The following ITSN1 variants were observed in gnomAD, a reference collection of about 807,000 sequenced individuals.
ITSN1 encodes the protein intersectin 1, also known as intersectin-1.
In ITSN1, 58 loss-of-function variants were observed where a neutral mutation model predicts 239.8. That is an observed-to-expected ratio of 0.24 (90% CI 0.20 to 0.30). ITSN1 has a LOEUF of 0.30. Among genes scored for constraint, ITSN1 ranks in the 10% least tolerant of loss-of-function variants. The pLI, the probability that ITSN1 is intolerant of heterozygous loss-of-function variation, is 1.00. For missense variants in ITSN1, 1,558 were observed against 2,103.3 expected, an observed-to-expected ratio of 0.74 and a Z score of 5.07; for synonymous variants, 780 against 770.8, an observed-to-expected ratio of 1.01 and a Z score of -0.20.
chr21:33,720,135 T>C (rs188547852), intron 2 of ITSN1, among the ~76,000 whole-genome samples: 1 of 152,362 alleles, frequency 6.6e-6, no homozygotes, highest in Non-Finnish European at 1.5e-5. Flanking sequence ...AAATTTCTTC[T>C]AGAAGTTGCA....
intron 20 of ITSN1, among the ~76,000 whole-genome samples, chr21:33,804,453 C>A (rs1165374585): frequency 2.0e-5 from 3 of 152,136 alleles, no homozygotes; most frequent in Non-Finnish European, 2.9e-5. Context: ...AAAAGGCCAA[C>A]ATGTGATGAA....
Position 33,660,769 on chromosome 21 carries a change from T to G in ITSN1, c.-33+18056T>G, listed in dbSNP as rs2089488892. On this transcript the variant is annotated intron_variant, in intron 1 of 39. Transcript: ENST00000381318. ...GTAGTTTCTTAAGGATTGGTTGCAG[T>G]GTAGAATCTGAAGTCATATAAGTGA... Among the ~76,000 whole-genome samples the G allele has an allele frequency of 2.0e-5, 3 of 152,204 alleles. No homozygotes were observed. The South Asian group carries it at 6.2e-4, about 31-fold the overall frequency.
intron 1 of ITSN1, among the ~76,000 whole-genome samples, chr21:33,690,338 C>T (rs1364515692): frequency 2.0e-5 from 3 of 149,570 alleles, no homozygotes; most frequent in Non-Finnish European, 4.5e-5. Context: ...CAGTGGCTCA[C>T]CCTGTAATCC....
At chr21:33,881,094 C>T (rs182976600) in intron 34 of ITSN1, among the ~76,000 whole-genome samples, 138 of 152,228 alleles carry the variant, frequency 9.1e-4, no homozygotes, top group African/African-American at 3.2e-3. Flanking sequence ...TTCTGTTTGG[C>T]ACTGGAGGGT....
intron 5 of ITSN1, among the ~76,000 whole-genome samples, chr21:33,740,052 T>C (rs1257558805): frequency 1.3e-5 from 2 of 152,024 alleles, no homozygotes; most frequent in Non-Finnish European, 2.9e-5. Flanking sequence ...AGATTGGAAA[T>C]AAGAAATGAA....
chr21:33,745,591 A>G (rs547959901), intron 5 of ITSN1, among the ~76,000 whole-genome samples: 202 of 152,172 alleles, frequency 1.3e-3, no homozygotes, highest in African/African-American at 4.7e-3. Flanking sequence ...ATCCCCCAAC[A>G]CTTCAGCTTG....
intron 34 of ITSN1, among the ~76,000 whole-genome samples, chr21:33,876,309 CTTCCTTCCTTCCTTCCTTCT>C (rs1439237578): frequency 1.6e-5 from 2 of 128,352 alleles, no homozygotes; most frequent in Non-Finnish European, 1.7e-5. Flanking sequence ...TTTCTTTCTC[CTTCCTTCCTTCCTTCCTTCT>C]TTCCTTCCTT....
At chr21:33,733,000 T>G (rs1327871264) in intron 4 of ITSN1, among the ~76,000 whole-genome samples, 1 of 152,228 alleles carries the variant, frequency 6.6e-6, no homozygotes, top group Non-Finnish European at 1.5e-5. Context: ...TGTGGTTTAA[T>G]CAATTCTCCA....
chr21:33,658,356 G>C (rs911903111), intron 1 of ITSN1, among the ~76,000 whole-genome samples: 17 of 151,868 alleles, frequency 1.1e-4, no homozygotes, highest in African/African-American at 4.1e-4. Flanking sequence ...GTTATTCAAG[G>C]GTCAACTACT....
chr21:33,781,055 A>T (rs1273694430), intron 14 of ITSN1, among the ~76,000 whole-genome samples: 1 of 152,202 alleles, frequency 6.6e-6, no homozygotes, highest in Non-Finnish European at 1.5e-5. Context: ...AAAGTTCAGG[A>T]TAGAGTAATA....
intron 22 of ITSN1, among the ~76,000 whole-genome samples, chr21:33,816,962 A>C (rs2073317246): frequency 6.6e-6 from 1 of 152,178 alleles, no homozygotes; most frequent in Admixed American, 6.5e-5. Flanking sequence ...AGAGGTTATC[A>C]ACATAGATGC....
At chr21:33,712,424 G>A (rs966103898) in intron 1 of ITSN1, among the ~76,000 whole-genome samples, 2 of 152,168 alleles carry the variant, frequency 1.3e-5, no homozygotes, top group African/African-American at 2.4e-5. Context: ...TCTCAGTTCA[G>A]TTTTCAAGAC....
intron 1 of ITSN1, among the ~76,000 whole-genome samples, chr21:33,667,699 G>A (rs904506537): frequency 1.3e-5 from 2 of 152,136 alleles, no homozygotes; most frequent in East Asian, 1.9e-4. Flanking sequence ...GTGGTCCGAC[G>A]GCTAGTAAGT....
At chr21:33,809,564 T>C (rs1253780558) in intron 20 of ITSN1, among the ~76,000 whole-genome samples, 1 of 152,236 alleles carries the variant, frequency 6.6e-6, no homozygotes, top group Non-Finnish European at 1.5e-5. Context: ...TTTTGCTTTA[T>C]TTTTAATTAA....
intron 30 of ITSN1, 42 bp downstream of exon 30, chr21:33,856,899 G>A: frequency 1.3e-6 from 2 of 1,588,656 alleles, no homozygotes; most frequent in Non-Finnish European, 1.7e-6. Flanking sequence ...AGGGGGCGAT[G>A]ACGGAGGGAG....
At chr21:33,796,569 G>A (rs947390166) in intron 17 of ITSN1, among the ~76,000 whole-genome samples, 40 of 152,206 alleles carry the variant, frequency 2.6e-4, no homozygotes, top group Admixed American at 1.3e-4. Context: ...TCAGGGTGGA[G>A]ACTCTGGGAC....
chr21:33,729,471 A>G (rs551169541), intron 4 of ITSN1, among the ~76,000 whole-genome samples: 66 of 152,126 alleles, frequency 4.3e-4, no homozygotes, highest in Non-Finnish European at 6.2e-4. Flanking sequence ...AATAAAAAAA[A>G]AAAAAAGAAC....
chr21:33,661,322 A>G (rs2089538325), intron 1 of ITSN1, among the ~76,000 whole-genome samples: 1 of 152,220 alleles, frequency 6.6e-6, no homozygotes, highest in African/African-American at 2.4e-5. Context: ...GGTGTAGCAC[A>G]TAAATGCTTT....
intron 20 of ITSN1, among the ~76,000 whole-genome samples, chr21:33,805,938 T>C (rs897379164): frequency 1.4e-5 from 2 of 140,462 alleles, no homozygotes; most frequent in African/African-American, 5.2e-5. Context: ...GCGCGGTGGC[T>C]CACGCCTGTA....
Sources: gnomAD v4.1 joint callset for allele counts (sites outside exome capture counted in the v4.1 genomes callset) on GRCh38, gnomAD v4.1.1 for gene constraint, MANE v1.5 for transcripts, NCBI Gene and HGNC (gene_info 2026-07-23, HGNC 2026-07-21) for gene names.